Variants in MACROD2 observed in about 807,000 individuals in gnomAD.
The protein encoded by MACROD2 is ADP-ribose glycohydrolase MACROD2.
MACROD2 carries 36 observed loss-of-function variants against 70.4 expected under a neutral mutation model. The observed-to-expected ratio is 0.51, with a 90% CI of 0.39 to 0.68. The LOEUF (loss-of-function observed/expected upper bound fraction) is 0.68, where lower values mean the gene tolerates loss of function less well. Among genes scored for constraint, MACROD2 ranks in the 30% least tolerant of loss-of-function variants. The pLI is 0.00. For missense variants in MACROD2, 496 were observed against 538.4 expected (o/e 0.92, Z 0.78); for synonymous variants, 172 against 178.8 (o/e 0.96, Z 0.30).
intron 4 of MACROD2, among the ~76,000 whole-genome samples, chr20:14,536,613 A>G (rs1016835501): frequency 3.4e-5 from 5 of 147,264 alleles, no homozygotes; most frequent in African/African-American, 9.9e-5. Flanking sequence ...GCTGAAACCC[A>G]ATAGGTAACA....
intron 15 of MACROD2, among the ~76,000 whole-genome samples, chr20:16,000,341 CAT>C (rs2066693233): frequency 6.6e-6 from 1 of 152,158 alleles, no homozygotes; most frequent in African/African-American, 2.4e-5. Flanking sequence ...CTTCTGTAAG[CAT>C]AGTCTTTGCT....
chr20:15,098,095 T>C (rs993837849), intron 5 of MACROD2, among the ~76,000 whole-genome samples: 2 of 152,160 alleles, frequency 1.3e-5, no homozygotes, highest in African/African-American at 4.8e-5. Context: ...CCCTGGCACC[T>C]AGGTTTAGAG....
At chr20:15,471,489 C>T (rs1000356591) in intron 7 of MACROD2, among the ~76,000 whole-genome samples, 1 of 152,176 alleles carries the variant, frequency 6.6e-6, no homozygotes, top group Non-Finnish European at 1.5e-5. Context: ...GGGACTGAGA[C>T]AGTAACTTAC....
intron 8 of MACROD2, among the ~76,000 whole-genome samples, chr20:15,692,443 A>G (rs1442317212): frequency 2.0e-5 from 3 of 151,964 alleles, no homozygotes; most frequent in Non-Finnish European, 4.4e-5. Context: ...GTTGAGGGGG[A>G]AAATTAGAAA....
intron 4 of MACROD2, among the ~76,000 whole-genome samples, chr20:14,496,908 T>C (rs2084859154): frequency 6.6e-6 from 1 of 151,710 alleles, no homozygotes; most frequent in Non-Finnish European, 1.5e-5. Context: ...CAGTACCCTG[T>C]ATATTATTTT....
chr20:14,518,281 A>T (rs149645918), intron 4 of MACROD2, among the ~76,000 whole-genome samples: 70 of 152,210 alleles, frequency 4.6e-4, no homozygotes, highest in African/African-American at 1.5e-3. Flanking sequence ...GAATCCAGCT[A>T]CTGTATTTAA....
intron 8 of MACROD2, among the ~76,000 whole-genome samples, chr20:15,845,389 T>G (rs2064219520): frequency 6.6e-6 from 1 of 152,136 alleles, no homozygotes; most frequent in African/African-American, 2.4e-5. Flanking sequence ...CTAAGCACAC[T>G]AGAAGTTTTT....
chr20:14,906,446 A>C (rs891104249), intron 5 of MACROD2, among the ~76,000 whole-genome samples: 1 of 152,192 alleles, frequency 6.6e-6, no homozygotes, highest in Non-Finnish European at 1.5e-5. Context: ...ATGAGCTGAG[A>C]TCGTGCCACT....
intron 10 of MACROD2, among the ~76,000 whole-genome samples, chr20:15,892,492 T>C (rs1363205156): frequency 6.6e-6 from 1 of 152,224 alleles, no homozygotes; most frequent in Non-Finnish European, 1.5e-5. Flanking sequence ...AGCAGGGTAA[T>C]TTCTAGCCCC....
At chr20:14,537,975 A>G (rs1051771307) in intron 4 of MACROD2, among the ~76,000 whole-genome samples, 1 of 152,108 alleles carries the variant, frequency 6.6e-6, no homozygotes, top group African/African-American at 2.4e-5. Flanking sequence ...TCAAAATACC[A>G]TCTGCTTAAT....
intron 8 of MACROD2, among the ~76,000 whole-genome samples, chr20:15,823,392 G>T (rs1454784596): frequency 1.3e-5 from 2 of 151,630 alleles, no homozygotes; most frequent in African/African-American, 2.4e-5. Context: ...GAAAAGAGCT[G>T]CATTGAACAG....
At position 14,461,513 on chromosome 20, in the gene MACROD2, A is replaced by G. The variant is rs1280689774; in HGVS notation, c.272-31966A>G. ...TTACTTCTCTAGGTCTTTTTTTTTT[A>G]TTATACTTTAAGTTTTAGGATACAT... is the stretch of plus-strand genomic sequence containing the variant. On this transcript the variant is annotated intron_variant, in intron 3 of 17. Coordinates refer to ENST00000684519, the MANE Select transcript of MACROD2 (RefSeq NM_001351661.2). 1.4e-5 allele frequency among the ~76,000 whole-genome samples: 2 copies of G among 145,306 alleles called. 1 individual carries two copies. Among genetic ancestry groups the G allele is most frequent in the African/African-American group, 5.1e-5 (2 of 38,996 alleles).
At chr20:15,146,654 C>T (rs2076232407) in intron 5 of MACROD2, among the ~76,000 whole-genome samples, 2 of 152,128 alleles carry the variant, frequency 1.3e-5, no homozygotes, top group Non-Finnish European at 2.9e-5. Context: ...TTTACATTTT[C>T]CATCTCTTTT....
intron 3 of MACROD2, among the ~76,000 whole-genome samples, chr20:14,168,491 G>A (rs192110455): frequency 6.6e-6 from 1 of 152,216 alleles, no homozygotes; most frequent in Non-Finnish European, 1.5e-5. Context: ...CCCCTACACA[G>A]AGGTTTCCAT....
chr20:15,409,562 C>A (rs2046049378), intron 6 of MACROD2, among the ~76,000 whole-genome samples: 1 of 152,180 alleles, frequency 6.6e-6, no homozygotes, highest in Admixed American at 6.5e-5. Context: ...GTGAGGTTTC[C>A]CCAGAAGCAG....
intron 8 of MACROD2, among the ~76,000 whole-genome samples, chr20:15,571,868 T>C (rs964426299): frequency 6.6e-6 from 1 of 152,170 alleles, no homozygotes; most frequent in African/African-American, 2.4e-5. Flanking sequence ...CATTAAGTTT[T>C]CTGGCAAGTT....
chr20:14,611,832 T>A (rs1288600183), intron 4 of MACROD2, among the ~76,000 whole-genome samples: 2 of 152,160 alleles, frequency 1.3e-5, no homozygotes, highest in African/African-American at 4.8e-5. Flanking sequence ...ACACATACTT[T>A]AGTTCATTTA....
chr20:16,035,083 G>A (rs775139), intron 15 of MACROD2, among the ~76,000 whole-genome samples: 97,708 of 121,632 alleles, frequency 0.8, 38,827 homozygotes, highest in Non-Finnish European at 0.87. Context: ...AATATAATAT[G>A]TAATATAAAA....
intron 3 of MACROD2, among the ~76,000 whole-genome samples, chr20:14,390,603 A>C (rs1427876556): frequency 6.6e-6 from 1 of 152,208 alleles, no homozygotes; most frequent in African/African-American, 2.4e-5. Flanking sequence ...ACCTTTAACT[A>C]TCTGATCTTC....
Sources: gnomAD v4.1 joint callset for allele counts (sites outside exome capture counted in the v4.1 genomes callset) on GRCh38, gnomAD v4.1.1 for gene constraint, MANE v1.5 for transcripts, NCBI Gene and HGNC (gene_info 2026-07-23, HGNC 2026-07-21) for gene names.